MTA3: variants seen among roughly 807,000 people sequenced by gnomAD.
MTA3 encodes the protein metastasis associated 1 family member 3, also known as metastasis-associated protein MTA3.
A neutral mutation model predicts 83.5 loss-of-function variants in MTA3; 34 were observed. The ratio of observed to expected loss-of-function variants is 0.41; its 90% confidence interval spans 0.31 to 0.54. The LOEUF (loss-of-function observed/expected upper bound fraction) is 0.54. MTA3 is among the 20% of genes least tolerant of loss of function. MTA3 has a pLI of 0.33. For missense variants in MTA3, 761 were observed against 726.4 expected, an observed-to-expected ratio of 1.05 and a Z score of -0.55; for synonymous variants, 303 against 252.7, an observed-to-expected ratio of 1.20 and a Z score of -1.89.
chr2:42,681,663 C>T lies in MTA3; in HGVS notation c.703-738C>T, dbSNP rs1219305705. Reference sequence around the variant, plus strand: ...AAGTAGTTGGGACTGTAGGCATGCACAACCAGGCCCAGCTAATTTTTTATT... The same window carrying T: ...AAGTAGTTGGGACTGTAGGCATGCATAACCAGGCCCAGCTAATTTTTTATT... On this transcript the variant is annotated intron_variant, in intron 8 of 16. Transcript: ENST00000405094. Among the ~76,000 whole-genome samples the T allele has an allele frequency of 2.0e-5, 3 of 152,176 alleles. No individual in the cohort carries two copies. The East Asian group carries it at 5.8e-4, about 30-fold the overall frequency.
chr2:42,498,524 A>G (rs1020905954), intron 2 of MTA3, among the ~76,000 whole-genome samples: 2 of 152,286 alleles, frequency 1.3e-5, no homozygotes, highest in African/African-American at 4.8e-5. Context: ...GGCTTGGGGG[A>G]AAAGCTATAC....
Position 42,708,809 on chromosome 2 carries a change from TG to T in MTA3, c.1303-64del, listed in dbSNP as rs1573709056. On this transcript the variant is annotated intron_variant, in intron 13 of 16. Transcript: ENST00000405094. The stretch of plus-strand genomic sequence containing the variant: ...AGTTGCACTTTTCTTTTGAGCATGA[TG>T]CAAACAGTAACGTGTTTGGGCAAGT... 1.8e-5 allele frequency: 28 copies of T among 1,539,570 alleles called. No homozygotes were observed. The East Asian group carries it at 6.1e-4, about 33-fold the overall frequency.
chr2:42,712,439 G>T (rs1666702471), intron 14 of MTA3, among the ~76,000 whole-genome samples: 1 of 151,972 alleles, frequency 6.6e-6, no homozygotes, highest in Admixed American at 6.6e-5. Flanking sequence ...CTATGGGTGT[G>T]GCCCACCACA....
chr2:42,642,394 G>A (rs773474806), intron 5 of MTA3, among the ~76,000 whole-genome samples: 6 of 152,006 alleles, frequency 3.9e-5, no homozygotes, highest in Non-Finnish European at 5.9e-5. Flanking sequence ...GGGGGCTCAT[G>A]TCTGTGATCC....
At chr2:42,552,816 G>A (rs892053015) in intron 2 of MTA3, among the ~76,000 whole-genome samples, 1 of 151,904 alleles carries the variant, frequency 6.6e-6, no homozygotes, top group Non-Finnish European at 1.5e-5. Flanking sequence ...CAGGTGTGGC[G>A]GCACATGCCT....
At chr2:42,722,563 A>T (rs1385557656) in intron 15 of MTA3, among the ~76,000 whole-genome samples, 1 of 152,160 alleles carries the variant, frequency 6.6e-6, no homozygotes, top group Admixed American at 6.5e-5. Flanking sequence ...TTTGATGTCT[A>T]ATATCTTGAG....
At chr2:42,533,083 CTTTTT>C (rs1165012015) in intron 2 of MTA3, 10 of 116,970 alleles carry the variant, frequency 8.5e-5, no homozygotes, top group South Asian at 2.5e-4. Context: ...GTGGGGCATT[CTTTTT>C]TTTTTTTTTT....
intron 4 of MTA3, among the ~76,000 whole-genome samples, chr2:42,636,397 G>C (rs1374872198): frequency 6.6e-6 from 1 of 151,868 alleles, no homozygotes; most frequent in Non-Finnish European, 1.5e-5. Flanking sequence ...AAAAAAATTA[G>C]CTCTGCGTGT....
chr2:42,713,191 G>T (rs1356025299), intron 14 of MTA3, among the ~76,000 whole-genome samples: 3 of 152,200 alleles, frequency 2.0e-5, no homozygotes, highest in African/African-American at 7.2e-5. Flanking sequence ...TAACATACCA[G>T]ACTTGAATGG....
intron 2 of MTA3, among the ~76,000 whole-genome samples, chr2:42,554,218 A>G (rs1677272654): frequency 6.6e-6 from 1 of 152,168 alleles, no homozygotes; most frequent in East Asian, 1.9e-4. Context: ...TGGGCGACAG[A>G]GCAAGACTCC....
At chr2:42,712,146 C>G (rs139188966) in intron 14 of MTA3, among the ~76,000 whole-genome samples, 21 of 152,104 alleles carry the variant, frequency 1.4e-4, no homozygotes, top group African/African-American at 5.1e-4. Flanking sequence ...CTTTTTAAAC[C>G]TGTATTAAAG....
intron 6 of MTA3, 39 bp from the exon 7 acceptor site, chr2:42,656,161 T>C (rs1689156970): frequency 6.8e-7 from 1 of 1,461,130 alleles, no homozygotes; most frequent in Non-Finnish European, 9.6e-7. Flanking sequence ...CAGTATGCCT[T>C]GTCAGTAACA....
chr2:42,736,542 G>T (rs1668627296), intron 16 of MTA3, among the ~76,000 whole-genome samples: 1 of 152,162 alleles, frequency 6.6e-6, no homozygotes, highest in African/African-American at 2.4e-5. Context: ...GTGACCCCAA[G>T]TAGGTCCAGA....
intron 2 of MTA3, among the ~76,000 whole-genome samples, chr2:42,503,664 C>T (rs1257602027): frequency 6.6e-6 from 1 of 152,160 alleles, no homozygotes; most frequent in African/African-American, 2.4e-5. Flanking sequence ...TATTTCTATG[C>T]TTTGAGGTGG....
chr2:42,519,958 C>T (rs538941766), intron 2 of MTA3, among the ~76,000 whole-genome samples: 2 of 152,200 alleles, frequency 1.3e-5, no homozygotes, highest in South Asian at 4.2e-4. Flanking sequence ...GGGAGGATGG[C>T]TTGCGCATAG....
intron 2 of MTA3, among the ~76,000 whole-genome samples, chr2:42,535,006 T>C (rs972018188): frequency 1.3e-5 from 2 of 152,068 alleles, no homozygotes; most frequent in Non-Finnish European, 2.9e-5. Flanking sequence ...GGAATCTAGA[T>C]CCTGGATGAC....
At chr2:42,744,820 G>A (rs1031467711) in intron 16 of MTA3, among the ~76,000 whole-genome samples, 5 of 152,164 alleles carry the variant, frequency 3.3e-5, no homozygotes, top group African/African-American at 9.7e-5. Flanking sequence ...GACAGCCCAG[G>A]GAAGTAAAGA....
intron 2 of MTA3, among the ~76,000 whole-genome samples, chr2:42,561,135 C>T (rs1352146798): frequency 6.6e-6 from 1 of 151,998 alleles, no homozygotes; most frequent in Admixed American, 6.6e-5. Flanking sequence ...CACTTTTTCC[C>T]TCTGTCTGGA....
chr2:42,546,278 C>T (rs1233814941), intron 2 of MTA3, among the ~76,000 whole-genome samples: 2 of 152,076 alleles, frequency 1.3e-5, no homozygotes, highest in Non-Finnish European at 1.5e-5. Context: ...CAAACAAAGG[C>T]CCCAGGAGAA....
Sources: gnomAD v4.1 joint callset for allele counts (sites outside exome capture counted in the v4.1 genomes callset) on GRCh38, gnomAD v4.1.1 for gene constraint, MANE v1.5 for transcripts, NCBI Gene and HGNC (gene_info 2026-07-23, HGNC 2026-07-21) for gene names.